Variants in EDA observed in about 807,000 individuals in gnomAD.
The protein encoded by EDA is ectodysplasin-A.
Under a neutral mutation model 23.6 loss-of-function variants are expected in EDA, and 2 were observed. The ratio of observed to expected loss-of-function variants is 0.08; its 90% CI spans 0.03 to 0.27. The LOEUF (loss-of-function observed/expected upper bound fraction) is 0.27. Ranked by LOEUF, EDA falls within the 10% of genes least tolerant of loss-of-function variation. EDA has a pLI of 1.00. For synonymous variants in EDA, 131 were observed against 132.0 expected, an observed-to-expected ratio of 0.99 and a Z score of 0.05; for missense variants, 229 against 324.2, an observed-to-expected ratio of 0.71 and a Z score of 2.26.
chrX:69,765,971 G>A (rs113087601), intron 1 of EDA, among the ~76,000 whole-genome samples: 1,958 of 111,875 alleles, frequency 0.018, 47 homozygotes, highest in African/African-American at 0.06. Context: ...AAAAAGAATC[G>A]TACAGCATGT....
At chrX:69,827,067 C>G (rs977955271) in intron 1 of EDA, among the ~76,000 whole-genome samples, 20 of 111,932 alleles carry the variant, frequency 1.8e-4, no homozygotes, top group Non-Finnish European at 3.6e-4. Flanking sequence ...GCCGAGAGAT[C>G]CGTTGTTAGT....
At chrX:69,856,103 T>G (rs1215965320) in intron 1 of EDA, among the ~76,000 whole-genome samples, 1 of 110,813 alleles carries the variant, frequency 9.0e-6, no homozygotes, top group Non-Finnish European at 1.9e-5. Flanking sequence ...CTTTGCATCC[T>G]CATAGCTTAG....
chrX:69,777,144 T>TTTGTTGTTGTTGTTGTTG (rs140366037), intron 1 of EDA, among the ~76,000 whole-genome samples: 5 of 106,794 alleles, frequency 4.7e-5, no homozygotes, highest in African/African-American at 1.7e-4. Flanking sequence ...GATTCTGGGT[T>TTTGTTGTTGTTGTTGTTG]TTGTTGTTGT....
intron 1 of EDA, among the ~76,000 whole-genome samples, chrX:69,710,465 A>T (rs962706624): frequency 9.0e-6 from 1 of 111,449 alleles, no homozygotes; most frequent in African/African-American, 3.3e-5. Flanking sequence ...CGTAGGATTG[A>T]CTTGGCAATG....
At chrX:69,835,056 A>T (rs2016735276) in intron 1 of EDA, among the ~76,000 whole-genome samples, 1 of 112,374 alleles carries the variant, frequency 8.9e-6, no homozygotes. Context: ...CTCTCTTCTG[A>T]TTTGTAGGGT....
intron 1 of EDA, among the ~76,000 whole-genome samples, chrX:69,626,544 C>CA (rs1231182068): frequency 9.0e-6 from 1 of 111,352 alleles, no homozygotes; most frequent in Non-Finnish European, 1.9e-5. Context: ...AAGTTAGTCA[C>CA]AAAAAAACCA....
intron 1 of EDA, among the ~76,000 whole-genome samples, chrX:69,845,145 A>G (rs767699117): frequency 4.4e-5 from 5 of 112,655 alleles, no homozygotes; most frequent in Non-Finnish European, 9.4e-5. Flanking sequence ...AGCTCTACAT[A>G]GTTGAAGGAG....
intron 1 of EDA, among the ~76,000 whole-genome samples, chrX:69,677,000 C>T (rs1425192260): frequency 2.4e-5 from 2 of 83,356 alleles, no homozygotes; most frequent in African/African-American, 9.0e-5. Context: ...CACAACTGGC[C>T]CCAGAGTGTG....
intron 1 of EDA, among the ~76,000 whole-genome samples, chrX:69,874,342 A>G (rs1169311145): frequency 2.7e-5 from 3 of 111,507 alleles, no homozygotes; most frequent in African/African-American, 9.8e-5. Context: ...AAGAAAAAAA[A>G]GTAAGTCAAT....
intron 1 of EDA, among the ~76,000 whole-genome samples, chrX:69,769,954 C>A (rs952694678): frequency 2.7e-5 from 3 of 111,115 alleles, no homozygotes; most frequent in African/African-American, 9.8e-5. Flanking sequence ...AATCACTAAT[C>A]TGTTCTATCT....
At chrX:69,631,196 C>T (rs1390232634) in intron 1 of EDA, among the ~76,000 whole-genome samples, 1 of 109,467 alleles carries the variant, frequency 9.1e-6, no homozygotes, top group African/African-American at 3.3e-5. Flanking sequence ...GCCTGACCAA[C>T]GTGGTGAAAC....
chrX:69,768,573 T>TG (rs1337114518), intron 1 of EDA, among the ~76,000 whole-genome samples: 1 of 111,788 alleles, frequency 8.9e-6, no homozygotes, highest in African/African-American at 3.2e-5. Flanking sequence ...TTTTACACAA[T>TG]AATATACTGT....
chrX:69,628,624 T>G (rs1212085078), intron 1 of EDA, among the ~76,000 whole-genome samples: 1 of 111,523 alleles, frequency 9.0e-6, no homozygotes, highest in Non-Finnish European at 1.9e-5. Context: ...ATCTTCATTC[T>G]TCCCCTTCCC....
chrX:69,626,329 G>A (rs1252682902), intron 1 of EDA, among the ~76,000 whole-genome samples: 1 of 111,803 alleles, frequency 8.9e-6, no homozygotes, highest in African/African-American at 3.2e-5. Context: ...AATTGAAAAC[G>A]TATGTTCACA....
intron 1 of EDA, among the ~76,000 whole-genome samples, chrX:69,682,688 G>A (rs755599648): frequency 1.2e-4 from 13 of 111,414 alleles, no homozygotes; most frequent in East Asian, 2.8e-4. Flanking sequence ...GCTCGCACAC[G>A]GTTCACGCAC....
At chrX:69,831,844 G>A (rs1161533437) in intron 1 of EDA, among the ~76,000 whole-genome samples, 1 of 112,320 alleles carries the variant, frequency 8.9e-6, no homozygotes, top group African/African-American at 3.2e-5. Flanking sequence ...GTCCTCTTTT[G>A]AGAAGTGTCT....
At chrX:69,897,643 A>T (rs996362444) in intron 1 of EDA, among the ~76,000 whole-genome samples, 1 of 112,082 alleles carries the variant, frequency 8.9e-6, no homozygotes, top group Admixed American at 9.5e-5. Context: ...ATGTTTAATG[A>T]CAAAAAGCCT....
At chrX:69,714,916 T>A (rs2012255781) in intron 1 of EDA, among the ~76,000 whole-genome samples, 1 of 110,803 alleles carries the variant, frequency 9.0e-6, no homozygotes, top group Non-Finnish European at 1.9e-5. Flanking sequence ...TGCCTATGTC[T>A]ACAAAAATCC....
intron 1 of EDA, among the ~76,000 whole-genome samples, chrX:69,931,700 A>G (rs1351371448): frequency 8.9e-6 from 1 of 111,924 alleles, no homozygotes; most frequent in Non-Finnish European, 1.9e-5. Flanking sequence ...CCAAGTTTTG[A>G]TGAGGATATG....
Sources: gnomAD v4.1 joint callset for allele counts (sites outside exome capture counted in the v4.1 genomes callset) on GRCh38, gnomAD v4.1.1 for gene constraint, MANE v1.5 for transcripts, NCBI Gene and HGNC (gene_info 2026-07-23, HGNC 2026-07-21) for gene names.